The following NEK5 variants were observed in gnomAD, a reference collection of about 807,000 sequenced individuals.
NEK5 encodes NIMA related kinase 5, also known as serine/threonine-protein kinase Nek5.
Under a neutral mutation model 109.2 loss-of-function variants are expected in NEK5, and 88 were observed. The observed-to-expected ratio is 0.81, with a 90% CI of 0.68 to 0.96. The LOEUF is 0.96. Ranked by LOEUF, NEK5 falls within the 40% of genes least tolerant of loss-of-function variation. The pLI is 0.00. For missense variants in NEK5, 834 were observed against 920.7 expected, an observed-to-expected ratio of 0.91 and a Z score of 1.22; for synonymous variants, 283 against 299.9, an observed-to-expected ratio of 0.94 and a Z score of 0.58.
At chr13:52,061,377 G>A (rs925578313) in intron 22 of NEK5, among the ~76,000 whole-genome samples, 1 of 152,174 alleles carries the variant, frequency 6.6e-6, no homozygotes, top group South Asian at 2.1e-4. Flanking sequence ...CGGCCCGAGG[G>A]TTGGGGGCTC....
At chr13:52,078,946 A>G (rs78784738) in intron 17 of NEK5, among the ~76,000 whole-genome samples, 1 of 152,254 alleles carries the variant, frequency 6.6e-6, no homozygotes, top group Admixed American at 6.5e-5. Flanking sequence ...AGTAAGATAG[A>G]TAAGTCATAG....
At chr13:52,055,016 A>G (rs1273843207) in intron 22 of NEK5, among the ~76,000 whole-genome samples, 1 of 152,248 alleles carries the variant, frequency 6.6e-6, no homozygotes, top group African/African-American at 2.4e-5. Context: ...ATGGGAGGAC[A>G]TTCAAACCAA....
At chr13:52,090,116 T>G (rs561319050) in intron 13 of NEK5, among the ~76,000 whole-genome samples, 2 of 152,298 alleles carry the variant, frequency 1.3e-5, no homozygotes, top group East Asian at 3.9e-4. Flanking sequence ...GAAATAATGG[T>G]TTAGCTGTCT....
At chr13:52,087,286 A>G in intron 15 of NEK5, 52 bp downstream of exon 15, 2 of 910,908 alleles carry the variant, frequency 2.2e-6, no homozygotes, top group Non-Finnish European at 3.7e-6. Flanking sequence ...AGTACAAAAG[A>G]CAGTAATACA....
intron 22 of NEK5, among the ~76,000 whole-genome samples, chr13:52,057,279 C>T (rs1426373954): frequency 6.6e-6 from 1 of 151,868 alleles, no homozygotes; most frequent in Non-Finnish European, 1.5e-5. Flanking sequence ...AGACCAATAA[C>T]AGGATCTGAA....
chr13:52,124,031 C>T (rs966491200), intron 3 of NEK5, among the ~76,000 whole-genome samples: 1 of 152,148 alleles, frequency 6.6e-6, no homozygotes, highest in Non-Finnish European at 1.5e-5. Context: ...CAAGGCAGAC[C>T]AGGCACAGTG....
intron 22 of NEK5, among the ~76,000 whole-genome samples, chr13:52,050,720 CTTTT>C (rs772811272): frequency 3.0e-5 from 3 of 99,912 alleles, no homozygotes; most frequent in Admixed American, 1.1e-4. Context: ...TTGTTTTTTT[CTTTT>C]TTTTTTTTTT....
intron 17 of NEK5, 27 bp downstream of exon 17, chr13:52,083,233 C>T (rs1955050889): frequency 6.8e-7 from 1 of 1,477,472 alleles, no homozygotes. Context: ...ACTGCAAGCA[C>T]ACACATCTGA....
rs779435541 is a variant in NEK5 at position 52,065,574 on chromosome 13, T to C, written c.1885A>G (p.Arg629Gly). 3 of 1,614,088 alleles carry C rather than the reference T, an allele frequency of 1.9e-6. No individual in the cohort carries two copies. The highest frequency in any genetic ancestry group is 2.5e-6 in the Non-Finnish European group (3 of 1,179,892). ...GGCGCTCCTCCATCCCACTGCCTCC[T>C]GTTTCCCACAGCAGCTACAGTCTGC... ...STQTVAAVGNRRQWDGGAPQT... is the reference protein window; with the variant it reads ...STQTVAAVGNGRQWDGGAPQT... Residue 629 changes from arginine (R) to glycine (G), a missense_variant, in exon 21 of 24, where the codon AGG (arginine) becomes GGG (glycine). Around this residue, in one of 2 missense-constraint regions of NEK5, gnomAD observed 777 missense variants for 824.7 expected, o/e 0.94. Coordinates refer to ENST00000684899, the MANE Select transcript of NEK5 (RefSeq NM_001365552.1).
intron 4 of NEK5, among the ~76,000 whole-genome samples, chr13:52,117,576 GGTATAAGGAAATACTCCA>G (rs764884750): frequency 3.9e-5 from 6 of 152,146 alleles, no homozygotes; most frequent in Non-Finnish European, 8.8e-5. Context: ...AATCTCACAT[GGTATAAGGAAATACTCCA>G]GTCTCTAAAA....
chr13:52,035,388 G>A lies in NEK5; in HGVS notation c.*1560C>T, dbSNP rs1042485218. On this transcript the variant is annotated 3_prime_UTR_variant, in exon 24 of 24. Coordinates refer to ENST00000684899, the MANE Select transcript of NEK5 (RefSeq NM_001365552.1). The stretch of plus-strand genomic sequence containing the variant: ...ACCTTACCTCATCTTTGTTTTCTCA[G>A]TTTAACAGTGTATCGGTGAGACATT... 1 of 152,086 alleles carries A rather than the reference G, an allele frequency of 6.6e-6. No individual in the cohort carries two copies. Among genetic ancestry groups the A allele is most frequent in the African/African-American group, 2.4e-5 (1 of 41,416 alleles). 9.4% of individuals were successfully genotyped at this position (152,086 alleles called of 1,614,324 possible).
intron 21 of NEK5, among the ~76,000 whole-genome samples, chr13:52,063,681 T>C (rs1357051807): frequency 4.0e-5 from 6 of 149,256 alleles, no homozygotes; most frequent in Admixed American, 1.3e-4. Context: ...ACCTCTGCCC[T>C]GCCGCCCCGT....
chr13:52,110,203 G>T, intron 7 of NEK5, 137 bp downstream of exon 7: 1 of 621,208 alleles, frequency 1.6e-6, no homozygotes, highest in Non-Finnish European at 2.9e-6. Context: ...AGTACCATCT[G>T]ATGTAATGCA....
At chr13:52,118,862 C>T (rs555521246) in intron 4 of NEK5, among the ~76,000 whole-genome samples, 3 of 152,190 alleles carry the variant, frequency 2.0e-5, no homozygotes, top group South Asian at 4.1e-4. Flanking sequence ...GCTTTGAGAG[C>T]GATAGTGTGG....
At chr13:52,110,115 G>C (rs7998770) in intron 7 of NEK5, among the ~76,000 whole-genome samples, 95,465 of 152,020 alleles carry the variant, frequency 0.63, 31,126 homozygotes, top group Non-Finnish European at 0.72. Flanking sequence ...CCATATTTGA[G>C]AAACTGGAAT....
At chr13:52,060,726 CA>C (rs1168551186) in intron 22 of NEK5, among the ~76,000 whole-genome samples, 1 of 152,220 alleles carries the variant, frequency 6.6e-6, no homozygotes, top group Non-Finnish European at 1.5e-5. Context: ...CACTTCACCA[CA>C]AAACCAGGTC....
chr13:52,112,444 G>C, intron 4 of NEK5, 79 bp from the exon 5 acceptor site: 1 of 932,488 alleles, frequency 1.1e-6, no homozygotes, highest in Non-Finnish European at 1.7e-6. Context: ...AATCAAGATG[G>C]ACTGGGTTCT....
At chr13:52,126,850 T>C (rs1264318990) in intron 3 of NEK5, among the ~76,000 whole-genome samples, 1 of 151,928 alleles carries the variant, frequency 6.6e-6, no homozygotes, top group East Asian at 1.9e-4. Flanking sequence ...TAAGGTGTGA[T>C]TGTGGCTGGG....
chr13:52,076,716 A>T (rs1403338142), intron 17 of NEK5, among the ~76,000 whole-genome samples: 1 of 152,132 alleles, frequency 6.6e-6, no homozygotes, highest in Non-Finnish European at 1.5e-5. Flanking sequence ...GAGACTCTTA[A>T]ATGTGTATCT....
Sources: allele counts gnomAD v4.1 joint callset (sites outside exome capture counted in the v4.1 genomes callset), GRCh38; gene constraint gnomAD v4.1.1; regional missense constraint gnomAD v4.1.1; transcripts MANE v1.5; gene names NCBI Gene and HGNC (gene_info 2026-07-23, HGNC 2026-07-21).